The following DNAH11 variants were observed in gnomAD, a reference collection of about 807,000 sequenced individuals.
The protein encoded by DNAH11 is dynein axonemal heavy chain 11.
A neutral mutation model predicts 526.0 loss-of-function variants in DNAH11; 442 were observed. That is an observed-to-expected ratio of 0.84 (90% CI 0.78 to 0.91). The LOEUF (loss-of-function observed/expected upper bound fraction) is 0.91. Among genes scored for constraint, DNAH11 ranks in the 40% least tolerant of loss-of-function variants. The probability of loss-of-function intolerance (pLI) is 0.00; values close to 1 mark genes in which losing one functional copy is unlikely to be tolerated. For synonymous variants in DNAH11, 2,461 were observed against 1,935.9 expected (o/e 1.27, Z -7.12); for missense variants, 6,989 against 5,448.7 (o/e 1.28, Z -8.90).
In DNAH11 at chr7:21,735,847, A is replaced by G. The variant is rs1785586932; in HGVS notation, c.7645+3A>G. 1 of 1,591,860 alleles carries G rather than the reference A, an allele frequency of 6.3e-7. No homozygotes were observed. The highest frequency in any genetic ancestry group is 8.6e-7 in the Non-Finnish European group (1 of 1,166,522). Reference sequence around the variant, plus strand: ...CACGACATCCACAGCTCTGCAAAGTAAGTGCACCTGTTTATTTTCTAGAAA... The same window carrying G: ...CACGACATCCACAGCTCTGCAAAGTGAGTGCACCTGTTTATTTTCTAGAAA... On this transcript the variant is annotated splice_donor_region_variant and intron_variant, in intron 46 of 81. Transcript: ENST00000409508.
In DNAH11 at chr7:21,901,458, C is replaced by G; in HGVS notation, c.*204C>G. The G allele has an allele frequency of 1.6e-6, 1 of 610,770 alleles. No homozygotes were observed. The highest frequency in any genetic ancestry group is 4.1e-5 in the East Asian group (1 of 24,518). 37.8% of individuals were successfully genotyped at this position (610,770 alleles called of 1,614,324 possible). A position where few individuals can be genotyped will look rare whatever the true frequency, so the allele number is the denominator to read the frequency against. On this transcript the variant is annotated 3_prime_UTR_variant, in exon 82 of 82. Coordinates refer to ENST00000409508, the MANE Select transcript of DNAH11 (RefSeq NM_001277115.2). ...AGCGTGGTGGCACACGACTGTAATC[C>G]CAGTTACTCAGGAGGTAGGAGAATC...
chr7:21,582,124 A>T (rs1784332919), intron 9 of DNAH11, 103 bp downstream of exon 9: 4 of 705,092 alleles, frequency 5.7e-6, no homozygotes, highest in Non-Finnish European at 9.8e-6. Context: ...TCACTAGGTT[A>T]ACTAGTCATA....
intron 54 of DNAH11, among the ~76,000 whole-genome samples, chr7:21,754,577 C>T (rs1786545930): frequency 6.6e-6 from 1 of 151,910 alleles, no homozygotes. Context: ...CCCCCCACCC[C>T]ATCATCACAG....
chr7:21,560,516 G>A (rs530555442), intron 4 of DNAH11, among the ~76,000 whole-genome samples: 1 of 152,264 alleles, frequency 6.6e-6, no homozygotes, highest in African/African-American at 2.4e-5. Flanking sequence ...AGAGCCCCTG[G>A]CAAACCACTG....
In DNAH11 at chr7:21,868,023, G is replaced by A; in HGVS notation, c.11839+16G>A. On this transcript the variant is annotated intron_variant, in intron 72 of 81. Transcript: ENST00000409508. ...GAGATTCTTGGTGAGTGGCTGGGAG[G>A]CTCGCTGGCCCGCCCCTTCTCCCTC... The A allele has an allele frequency of 4.0e-6, 6 of 1,501,076 alleles. No homozygotes were observed. Among genetic ancestry groups the A allele is most frequent in the Non-Finnish European group, 5.4e-6 (6 of 1,119,382 alleles). The allele number at this position is 1,501,076 out of a possible 1,614,324, so 93.0% of individuals were successfully genotyped here.
intron 65 of DNAH11, among the ~76,000 whole-genome samples, chr7:21,838,662 G>A (rs1354625503): frequency 2.0e-5 from 3 of 152,110 alleles, no homozygotes; most frequent in Non-Finnish European, 4.4e-5. Flanking sequence ...TATTAGGTCG[G>A]TGCAAAAGTA....
intron 21 of DNAH11, 50 bp downstream of exon 21, chr7:21,615,322 A>G (rs1277433741): frequency 6.3e-7 from 1 of 1,591,288 alleles, no homozygotes; most frequent in Non-Finnish European, 8.6e-7. Context: ...GTTCTTTTAC[A>G]TATGCAGTTT....
chr7:21,789,763 C>CTCCT (rs1788356265), intron 61 of DNAH11, among the ~76,000 whole-genome samples: 2 of 72,998 alleles, frequency 2.7e-5, no homozygotes, highest in Non-Finnish European at 6.1e-5. Flanking sequence ...ATTTCTTTCT[C>CTCCT]TCTTTCTTTC....
chr7:21,608,328 A>G (rs925456842), intron 20 of DNAH11, among the ~76,000 whole-genome samples: 2 of 152,220 alleles, frequency 1.3e-5, no homozygotes, highest in African/African-American at 2.4e-5. Context: ...TTGTTTCTCT[A>G]GGAACTTAAC....
At chr7:21,610,051 G>A (rs2128450234) in intron 20 of DNAH11, among the ~76,000 whole-genome samples, 1 of 152,158 alleles carries the variant, frequency 6.6e-6, no homozygotes, top group South Asian at 2.1e-4. Flanking sequence ...TCAGGAGATG[G>A]AGACCATCCT....
At chr7:21,784,710 T>C (rs538267927) in intron 58 of DNAH11, among the ~76,000 whole-genome samples, 170 bp downstream of exon 58, 3 of 152,348 alleles carry the variant, frequency 2.0e-5, no homozygotes, top group East Asian at 3.9e-4. Context: ...GTCATCATTA[T>C]AGTTCAACTT....
rs369736250 is a variant in DNAH11 at position 21,564,342 on chromosome 7, C to A, written c.1139C>A (p.Thr380Asn). ...LIWSHSKFYN[T>N]PARVIVLLQE... Reference sequence around the variant, plus strand: ...TGGAGTCATTCCAAGTTTTATAACACCCCAGCTCGGGTTATAGTTTTATTG... The same window carrying A: ...TGGAGTCATTCCAAGTTTTATAACAACCCAGCTCGGGTTATAGTTTTATTG... Residue 380 changes from threonine to asparagine, a missense_variant, in exon 6 of 82, where the codon ACC becomes AAC. Transcript: ENST00000409508. The A allele has an allele frequency of 6.2e-7, 1 of 1,613,416 alleles. No homozygotes were observed. Among genetic ancestry groups the A allele is most frequent in the Non-Finnish European group, 8.5e-7 (1 of 1,179,704 alleles).
At chr7:21,631,779 A>C (rs1236891286) in intron 25 of DNAH11, among the ~76,000 whole-genome samples, 1 of 152,016 alleles carries the variant, frequency 6.6e-6, no homozygotes, top group Non-Finnish European at 1.5e-5. Flanking sequence ...GAGTATCTGC[A>C]GCTTTTCCAG....
At position 21,894,679 on chromosome 7, in the gene DNAH11, A is replaced by G. The variant is rs1784444345; in HGVS notation, c.12807A>G (p.Ala4269=). 2.5e-6 allele frequency: 4 copies of G among 1,613,912 alleles called. No homozygotes were observed. The highest frequency in any genetic ancestry group is 2.2e-5 in the East Asian group (1 of 44,898). ...LEKLPEEFNM[A]EIMQKNSNRS... ...AACTTCCAGAAGAGTTCAACATGGC[A>G]GAGATAATGCAAAAAAATTCAAATA... is the stretch of plus-strand genomic sequence containing the variant. The change falls in exon 78 of 82, where the codon GCA becomes GCG. Residue 4269 remains alanine (A), a synonymous_variant. Transcript: ENST00000409508.
At chr7:21,650,988 A>G (rs10499535) in intron 28 of DNAH11, among the ~76,000 whole-genome samples, 57,634 of 151,436 alleles carry the variant, frequency 0.38, 12,627 homozygotes, top group Non-Finnish European at 0.5. Flanking sequence ...ACTATTTACT[A>G]TTTTGACACA....
rs115765476 is a variant in DNAH11 at position 21,598,639 on chromosome 7, A to G, written c.2668-1148A>G. 2.1e-3 allele frequency among the ~76,000 whole-genome samples: 323 copies of G among 151,842 alleles called. 2 individuals carry two copies. Among genetic ancestry groups the G allele is most frequent in the African/African-American group, 7.7e-3 (316 of 41,214 alleles). ...TAAATAAATAAATTGTGCTTAAACAAGGTCTGAAAACATGAAGGTTTATTG... is the reference window on the plus strand; with the variant it reads ...TAAATAAATAAATTGTGCTTAAACAGGGTCTGAAAACATGAAGGTTTATTG... On this transcript the variant is annotated intron_variant, in intron 14 of 81. Transcript: ENST00000409508.
At chr7:21,819,375 C>G (rs1231995274) in intron 65 of DNAH11, among the ~76,000 whole-genome samples, 1 of 152,058 alleles carries the variant, frequency 6.6e-6, no homozygotes, top group African/African-American at 2.4e-5. Context: ...CTAAGTAAAT[C>G]CATTTAGAGT....
At chr7:21,681,886 G>T (rs1783155607) in intron 31 of DNAH11, among the ~76,000 whole-genome samples, 1 of 152,132 alleles carries the variant, frequency 6.6e-6, no homozygotes, top group Non-Finnish European at 1.5e-5. Context: ...ATCCCAAAAG[G>T]TTTTGCCAAG....
In DNAH11 at chr7:21,742,260, C is replaced by T. The variant is rs1785941370; in HGVS notation, c.8154+94C>T. 4 of 1,368,084 alleles carry T rather than the reference C, an allele frequency of 2.9e-6. No homozygotes were observed. In the East Asian group the frequency reaches 9.5e-5, roughly 32 times the overall value. 84.7% of individuals were successfully genotyped at this position (1,368,084 alleles called of 1,614,324 possible). A position where few individuals can be genotyped will look rare whatever the true frequency, so the allele number is the denominator to read the frequency against. Reference sequence around the variant, plus strand: ...TTTTTATGTCACTATAGAGAAACACCTGAGGCTAGGTAATTTATAAAGAAA... The same window carrying T: ...TTTTTATGTCACTATAGAGAAACACTTGAGGCTAGGTAATTTATAAAGAAA... On this transcript the variant is annotated intron_variant, in intron 49 of 81. Coordinates refer to ENST00000409508, the MANE Select transcript of DNAH11 (RefSeq NM_001277115.2).
Sources: gnomAD v4.1 joint callset for allele counts (sites outside exome capture counted in the v4.1 genomes callset) on GRCh38, gnomAD v4.1.1 for gene constraint, MANE v1.5 for transcripts, NCBI Gene and HGNC (gene_info 2026-07-23, HGNC 2026-07-21) for gene names.